Variants in PRKAR1A observed in about 807,000 individuals in gnomAD.
The protein encoded by PRKAR1A is cAMP-dependent protein kinase type I-alpha regulatory subunit.
Under a neutral mutation model 52.0 loss-of-function variants are expected in PRKAR1A, and 3 were observed. The ratio of observed to expected loss-of-function variants is 0.06; its 90% confidence interval spans 0.03 to 0.15. The LOEUF (loss-of-function observed/expected upper bound fraction) is 0.15, where lower values mean the gene tolerates loss of function less well. PRKAR1A is among the 10% of genes least tolerant of loss of function. The probability of loss-of-function intolerance (pLI) is 1.00; values close to 1 mark genes in which losing one functional copy is unlikely to be tolerated. For synonymous variants in PRKAR1A, 188 were observed against 168.4 expected (o/e 1.12, Z -0.90); for missense variants, 240 against 477.4 (o/e 0.50, Z 4.63).
downstream of PRKAR1A, chr17:68,537,776 A>AGTT (rs1312537488): frequency 6.3e-7 from 1 of 1,587,958 alleles, no homozygotes; most frequent in Admixed American, 1.8e-5. The surrounding 1 kb of genome is among the most constrained non-coding windows in gnomAD (Gnocchi z 4.2). Context: ...CAAATAAGCA[A>AGTT]ATGTAAAGAA....
downstream of PRKAR1A, chr17:68,537,887 G>T: frequency 1.0e-6 from 1 of 964,142 alleles, no homozygotes. The surrounding 1 kb of genome is among the most constrained non-coding windows in gnomAD (Gnocchi z 4.2). Flanking sequence ...TGGAAACCAG[G>T]TAAAAAGGGA....
At chr17:68,496,818 C>CTTTTTTTTTTTTTTTTTT in the PRKAR1A span, among the ~76,000 whole-genome samples, 2 of 91,240 alleles carry the variant, frequency 2.2e-5, no homozygotes, top group Admixed American at 1.5e-4. Flanking sequence ...TTAGTTTTTA[C>CTTTTTTTTTTTTTTTTTT]TTTTTTTTTT....
At chr17:68,533,497 T>C (rs929764441), downstream of PRKAR1A, 24 of 895,712 alleles carry the variant, frequency 2.7e-5, no homozygotes, top group Non-Finnish European at 3.1e-5. Context: ...AGTAGACTCT[T>C]TTTTTTGTTT....
At chr17:68,428,342 C>T in the PRKAR1A span, 4 of 159,256 alleles carry the variant, frequency 2.5e-5, no homozygotes, top group African/African-American at 9.7e-5. Context: ...GATTCTCCCA[C>T]CTCAGCCTCC....
chr17:68,433,315 G>C, the PRKAR1A span: 2 of 716,638 alleles, frequency 2.8e-6, no homozygotes, highest in Non-Finnish European at 4.5e-6. Flanking sequence ...TGCCTCCAAA[G>C]TTTTGCTAAC....
chr17:68,422,339 G>C, the PRKAR1A span: 3 of 156,220 alleles, frequency 1.9e-5, no homozygotes, highest in Admixed American at 1.2e-4. Flanking sequence ...AGGCAGGAGA[G>C]AATCGCTTGA....
intron 11 of PRKAR1A, among the ~76,000 whole-genome samples, chr17:68,548,698 C>T (rs1165808465): frequency 6.7e-5 from 10 of 148,750 alleles, no homozygotes; most frequent in East Asian, 2.0e-4. Flanking sequence ...TAAAGTGAAA[C>T]GCAGATACAG....
At chr17:68,486,823 C>T in the PRKAR1A span, among the ~76,000 whole-genome samples, 5 of 151,504 alleles carry the variant, frequency 3.3e-5, no homozygotes, top group Non-Finnish European at 7.4e-5. Context: ...CTCAGGTACC[C>T]AAGTGTTAAT....
the PRKAR1A span, among the ~76,000 whole-genome samples, chr17:68,477,039 A>G: frequency 6.6e-6 from 1 of 152,112 alleles, no homozygotes; most frequent in Non-Finnish European, 1.5e-5. Context: ...GGCTTTTGCT[A>G]TTTATTCATT....
Position 68,531,843 on chromosome 17 carries a change from A to G in PRKAR1A, c.*1394A>G. On this transcript the variant is annotated 3_prime_UTR_variant, in exon 11 of 11. Coordinates refer to ENST00000589228, the MANE Select transcript of PRKAR1A (RefSeq NM_002734.5). The stretch of plus-strand genomic sequence containing the variant: ...ATTATTTTTTTAAACAAAATTTCAC[A>G]GTTCTGTAATGTAGGCACTTTTATT... 1 of 1,035,120 alleles carries G rather than the reference A, an allele frequency of 9.7e-7. No homozygotes were observed. The highest frequency in any genetic ancestry group is 4.7e-5 in the South Asian group (1 of 21,320). The allele number at this position is 1,035,120 out of a possible 1,614,324, so 64.1% of individuals were successfully genotyped here.
the PRKAR1A span, among the ~76,000 whole-genome samples, chr17:68,416,570 T>C: frequency 6.6e-6 from 1 of 152,300 alleles, no homozygotes; most frequent in Middle Eastern, 3.4e-3. Flanking sequence ...TTTTCCAAAC[T>C]TTTAGATTTC....
downstream of PRKAR1A, chr17:68,537,852 T>G (rs567050051): frequency 3.1e-4 from 382 of 1,219,518 alleles, no homozygotes; most frequent in African/African-American, 5.3e-3. This position sits in a 1 kb window ranked among gnomAD's most constrained non-coding sequence, Gnocchi z 4.2. Context: ...GCGCCTCTCC[T>G]TGTGTCTTCT....
rs1600498169 is a variant in PRKAR1A, at chr17:68,531,061, A to G, written c.*612A>G. On this transcript the variant is annotated 3_prime_UTR_variant, in exon 11 of 11. Coordinates refer to ENST00000589228, the MANE Select transcript of PRKAR1A (RefSeq NM_002734.5). ...TCCAGAGTTGTTGTTTGCCAAGCTA[A>G]TCTGCCTGGTTTTATTTATATCTTG... 1.9e-6 allele frequency: 2 copies of G among 1,068,086 alleles called. No homozygotes were observed. The highest frequency in any genetic ancestry group is 9.9e-5 in the East Asian group (2 of 20,222). The allele number at this position is 1,068,086 out of a possible 1,614,324, so 66.2% of individuals were successfully genotyped here.
At chr17:68,457,553 TA>T in the PRKAR1A span, 7 of 135,350 alleles carry the variant, frequency 5.2e-5, no homozygotes, top group African/African-American at 6.2e-4. Flanking sequence ...ACCCCGCCCC[TA>T]CCCCGCCCCG....
At chr17:68,486,502 CTTCCTTCTTTCTTTCT>C in the PRKAR1A span, among the ~76,000 whole-genome samples, 2,024 of 42,436 alleles carry the variant, frequency 0.048, 15 homozygotes, top group African/African-American at 0.05. Flanking sequence ...TCCTTCCTTC[CTTCCTTCTTTCTTTCT>C]TTCTTTCTTT....
chr17:68,467,362 A>G, the PRKAR1A span, among the ~76,000 whole-genome samples: 1 of 152,256 alleles, frequency 6.6e-6, no homozygotes, highest in Non-Finnish European at 1.5e-5. Flanking sequence ...CAGCTGAACC[A>G]TTTTACATTC....
intron 11 of PRKAR1A, chr17:68,540,027 C>T: frequency 6.9e-7 from 1 of 1,456,286 alleles, no homozygotes; most frequent in Non-Finnish European, 9.6e-7. Flanking sequence ...TGCTCCTGAC[C>T]TGAGTTCTCT....
At chr17:68,430,887 A>T in the PRKAR1A span, among the ~76,000 whole-genome samples, 1 of 152,234 alleles carries the variant, frequency 6.6e-6, no homozygotes, top group African/African-American at 2.4e-5. Flanking sequence ...CTGCAGGATT[A>T]GGTCCTGGTG....
rs1481900789 is a variant in PRKAR1A at position 68,529,905 on chromosome 17, G to A, written c.892-15G>A. On this transcript the variant is annotated splice_polypyrimidine_tract_variant and intron_variant, in intron 9 of 10. Transcript: ENST00000589228. ...GAGTGTGTGTTTGTTTAGCTTTTTG[G>A]TGATTTTATTATAGGGGTCAGCTGC... 6 of 1,613,270 alleles carry A rather than the reference G, an allele frequency of 3.7e-6. No homozygotes were observed. In the African/African-American group the frequency reaches 6.7e-5, roughly 18 times the overall value.
Sources: allele counts gnomAD v4.1 joint callset (sites outside exome capture counted in the v4.1 genomes callset), GRCh38; gene constraint gnomAD v4.1.1; non-coding constraint Gnocchi (gnomAD v3.1); transcripts MANE v1.5; gene names NCBI Gene and HGNC (gene_info 2026-07-23, HGNC 2026-07-21).